Variants in ARHGAP32 observed in about 807,000 individuals in gnomAD.
ARHGAP32 encodes the protein rho GTPase-activating protein 32.
ARHGAP32 carries 51 observed loss-of-function variants against 186.5 expected under a neutral mutation model. The observed-to-expected ratio is 0.27, with a 90% confidence interval of 0.22 to 0.35. ARHGAP32 has a LOEUF of 0.35. Ranked by LOEUF, ARHGAP32 falls within the 10% of genes least tolerant of loss-of-function variation. The pLI, the probability that ARHGAP32 is intolerant of heterozygous loss-of-function variation, is 1.00. For synonymous variants in ARHGAP32, 950 were observed against 964.3 expected (o/e 0.99, Z 0.27); for missense variants, 2,186 against 2,623.5 (o/e 0.83, Z 3.64).
At position 128,970,725 on chromosome 11, in the gene ARHGAP32, G is replaced by A. The variant is rs778019817; in HGVS notation, c.4488C>T (p.Thr1496=). Residue 1496 remains threonine, a synonymous_variant, in exon 23 of 23, where the codon ACC becomes ACT. Coordinates refer to ENST00000682385, the MANE Select transcript of ARHGAP32 (RefSeq NM_001378024.1). This position sits in a 1 kb window ranked among gnomAD's most constrained non-coding sequence, Gnocchi z 5.8. ...VYSSFARPDV[T]TEPFGPDNCL... The stretch of plus-strand genomic sequence containing the variant: ...AGTTATCTGGACCAAAGGGTTCAGT[G>A]GTGACATCGGGCCTAGCAAAGGAGG... The A allele has an allele frequency of 6.2e-7, 1 of 1,614,170 alleles. No individual in the cohort carries two copies. Among genetic ancestry groups the A allele is most frequent in the Non-Finnish European group, 8.5e-7 (1 of 1,180,026 alleles).
In ARHGAP32 at chr11:129,064,915, T is replaced by C. The variant is rs1284053502; in HGVS notation, c.688A>G (p.Met230Val). Residue 230 changes from methionine to valine, a missense_variant, in exon 8 of 23, where the codon ATG becomes GTG. Physicochemically the swap from Met to Val is conservative, Grantham distance 21. Transcript: ENST00000682385. Reference protein sequence around the residue: ...DSPESVTQMLMAYLSRLSAIA... With the variant: ...DSPESVTQMLVAYLSRLSAIA... ...GCTGAAAGGCGTGACAGGTAAGCCA[T>C]AAGCATCTGAGTGACCGACTGAAAA... The C allele has an allele frequency of 1.3e-6, 2 of 1,592,174 alleles. No homozygotes were observed. Among genetic ancestry groups the C allele is most frequent in the South Asian group, 1.1e-5 (1 of 87,064 alleles).
intron 12 of ARHGAP32, 119 bp downstream of exon 12, chr11:128,998,200 T>C (rs570478638): frequency 1.3e-6 from 1 of 793,940 alleles, no homozygotes; most frequent in Non-Finnish European, 1.8e-6. Context: ...GCTTAGTACA[T>C]GCATTGAACT....
chr11:129,193,523 G>A (rs1944311344), upstream of ARHGAP32, among the ~76,000 whole-genome samples: 2 of 65,946 alleles, frequency 3.0e-5, no homozygotes, highest in African/African-American at 5.8e-5. Flanking sequence ...CAGGTCCCTA[G>A]AGCATATAAT....
At chr11:129,154,114 C>G (rs1318932575) in intron 2 of ARHGAP32, among the ~76,000 whole-genome samples, 1 of 151,708 alleles carries the variant, frequency 6.6e-6, no homozygotes, top group African/African-American at 2.4e-5. Flanking sequence ...AAATGGCCAA[C>G]AAACACATGA....
intron 1 of ARHGAP32, among the ~76,000 whole-genome samples, chr11:129,207,692 T>C (rs1262498214): frequency 6.6e-6 from 1 of 152,124 alleles, no homozygotes; most frequent in Non-Finnish European, 1.5e-5. Flanking sequence ...AGGTTGCCTC[T>C]TCACTCTAGC....
chr11:129,229,362 T>G (rs1944828042), intron 1 of ARHGAP32, among the ~76,000 whole-genome samples: 1 of 151,966 alleles, frequency 6.6e-6, no homozygotes, highest in Non-Finnish European at 1.5e-5. Flanking sequence ...TTTGAAAAAA[T>G]ATATACAAAT....
chr11:128,970,511 G>T lies in ARHGAP32; in HGVS notation c.4702C>A (p.Arg1568=). The T allele has an allele frequency of 1.2e-6, 2 of 1,614,150 alleles. No homozygotes were observed. Among genetic ancestry groups the T allele is most frequent in the Non-Finnish European group, 8.5e-7 (1 of 1,180,016 alleles). ...CTCAAAGAAGACACATACTCGACCC[G>T]GCTGCATGGCTTGGAGTGGTGTCCA... ...ASGHHSKPCS[R]VEYVSSLSSS... The change falls in exon 23 of 23, where the codon CGG becomes AGG. Residue 1568 remains arginine, a synonymous_variant. Transcript: ENST00000682385. The surrounding 1 kb of genome is among the most constrained non-coding windows in gnomAD (Gnocchi z 5.8).
chr11:129,070,666 G>T (rs886362140), intron 6 of ARHGAP32, among the ~76,000 whole-genome samples: 6 of 151,894 alleles, frequency 4.0e-5, no homozygotes, highest in Non-Finnish European at 7.4e-5. Flanking sequence ...GGATATTTCT[G>T]TTCTATTTTT....
In ARHGAP32 at chr11:128,974,886, C is replaced by T. The variant is rs760988249; in HGVS notation, c.2311G>A (p.Asp771Asn). The T allele has an allele frequency of 3.1e-6, 5 of 1,614,028 alleles. No homozygotes were observed. In the Admixed American group the frequency reaches 8.3e-5, roughly 27 times the overall value. ...RCNSYDNLPH[D>N]NESEEEGGLL... ...CCTCCTTCCTCCTCACTCTCATTGT[C>T]ATGAGGCAGATTATCATAGGAGTTA... The change falls in exon 21 of 23, where the codon GAC (aspartate) becomes AAC (asparagine). Residue 771 changes from aspartate (D) to asparagine (N), a missense_variant. Physicochemically the swap from Asp to Asn is conservative, Grantham distance 23. This residue lies in a region of ARHGAP32 where 263 missense variants were observed against 323.5 expected (regional missense o/e 0.81). Coordinates refer to ENST00000682385, the MANE Select transcript of ARHGAP32 (RefSeq NM_001378024.1).
At chr11:129,171,603 G>A (rs960143752) in intron 1 of ARHGAP32, among the ~76,000 whole-genome samples, 8 of 152,142 alleles carry the variant, frequency 5.3e-5, no homozygotes, top group African/African-American at 9.7e-5. Flanking sequence ...GTCAGGTAGC[G>A]TGATGCCTCC....
At chr11:129,092,788 T>C (rs1041004927) in intron 6 of ARHGAP32, among the ~76,000 whole-genome samples, 1 of 151,968 alleles carries the variant, frequency 6.6e-6, no homozygotes, top group African/African-American at 2.4e-5. Flanking sequence ...TTAATACTTT[T>C]TGAGAAAAAA....
At chr11:129,034,630 A>C (rs375363666) in intron 11 of ARHGAP32, among the ~76,000 whole-genome samples, 30 of 152,034 alleles carry the variant, frequency 2.0e-4, no homozygotes, top group African/African-American at 7.2e-4. Context: ...GAATTGAAGA[A>C]TGTGTTAGGT....
chr11:128,972,270 G>A lies in ARHGAP32; in HGVS notation c.4053+183C>T, dbSNP rs948730391. ...ATCTAGGAGCTACTCCTTTCCTGGG[G>A]AAAAGCCAGCATCAAGGTAATGGCA... On this transcript the variant is annotated intron_variant, in intron 22 of 22. Transcript: ENST00000682385. 7.7e-6 allele frequency: 4 copies of A among 516,580 alleles called. No individual in the cohort carries two copies. The Admixed American group carries it at 1.1e-4, about 14-fold the overall frequency. The allele number at this position is 516,580 out of a possible 1,614,324, so 32.0% of individuals were successfully genotyped here. A position where few individuals can be genotyped will look rare whatever the true frequency, so the allele number is the denominator to read the frequency against.
chr11:129,113,285 A>T (rs779841152), intron 5 of ARHGAP32, among the ~76,000 whole-genome samples: 53 of 152,170 alleles, frequency 3.5e-4, no homozygotes, highest in Non-Finnish European at 6.2e-4. Context: ...TCCTTGTAAC[A>T]CTTGAATTCA....
chr11:129,226,503 G>A (rs986506564), intron 1 of ARHGAP32, among the ~76,000 whole-genome samples: 6 of 152,068 alleles, frequency 3.9e-5, no homozygotes, highest in Non-Finnish European at 5.9e-5. Flanking sequence ...ATCAAGACTT[G>A]TGAAACAATG....
At position 129,240,025 on chromosome 11, in the gene ARHGAP32, A is replaced by C. The variant is rs764206808; in HGVS notation, c.-5+39121T>G. 2.0e-5 allele frequency among the ~76,000 whole-genome samples: 3 copies of C among 152,240 alleles called. No individual in the cohort carries two copies. In the South Asian group the frequency reaches 6.2e-4, roughly 32 times the overall value. Reference sequence around the variant, plus strand: ...GTTACTATGCGCAGTGACAAATTAAATAATTTCCCCTATACTTTTTCATTT... The same window carrying C: ...GTTACTATGCGCAGTGACAAATTAACTAATTTCCCCTATACTTTTTCATTT... On this transcript the variant is annotated intron_variant, in intron 1 of 6. Transcript: ENST00000525234.
chr11:129,219,443 C>T (rs1212382083), intron 1 of ARHGAP32, among the ~76,000 whole-genome samples: 1 of 152,132 alleles, frequency 6.6e-6, no homozygotes, highest in Non-Finnish European at 1.5e-5. Context: ...GTATTCCTAT[C>T]CTCACAAATG....
chr11:129,076,356 C>T (rs1488913156), intron 6 of ARHGAP32, among the ~76,000 whole-genome samples: 3 of 152,148 alleles, frequency 2.0e-5, no homozygotes, highest in African/African-American at 4.8e-5. Context: ...CTTGCTTTCA[C>T]GTTATGGGCT....
chr11:129,166,012 G>A (rs1943632456), intron 1 of ARHGAP32, among the ~76,000 whole-genome samples: 1 of 152,006 alleles, frequency 6.6e-6, no homozygotes, highest in Non-Finnish European at 1.5e-5. Context: ...TAAAAAATAA[G>A]AGAGAAATGA....
Sources: gnomAD v4.1 joint callset for allele counts (sites outside exome capture counted in the v4.1 genomes callset) on GRCh38, gnomAD v4.1.1 for gene constraint, gnomAD v4.1.1 regional missense constraint, Gnocchi (gnomAD v3.1) non-coding constraint, MANE v1.5 for transcripts, NCBI Gene and HGNC (gene_info 2026-07-23, HGNC 2026-07-21) for gene names.